Variants in ARMH3 observed in about 807,000 individuals in gnomAD.
ARMH3 encodes armadillo-like helical domain-containing protein 3.
A neutral mutation model predicts 99.1 loss-of-function variants in ARMH3; 60 were observed. The ratio of observed to expected loss-of-function variants is 0.61; its 90% confidence interval spans 0.49 to 0.75. The LOEUF (loss-of-function observed/expected upper bound fraction) is 0.75. Ranked by LOEUF, ARMH3 falls within the 30% of genes least tolerant of loss-of-function variation. The probability of loss-of-function intolerance (pLI) is 0.00; values close to 1 mark genes in which losing one functional copy is unlikely to be tolerated. For synonymous variants in ARMH3, 285 were observed against 292.8 expected (o/e 0.97, Z 0.27); for missense variants, 679 against 843.1 (o/e 0.81, Z 2.41).
At chr10:101,976,337 CAAA>C (rs1360407394) in intron 19 of ARMH3, among the ~76,000 whole-genome samples, 3 of 118,948 alleles carry the variant, frequency 2.5e-5, no homozygotes. Context: ...AAGACTGTCT[CAAA>C]AAAAAAAAAA....
chr10:102,052,731 T>C (rs1254328556), intron 1 of ARMH3, among the ~76,000 whole-genome samples: 1 of 152,152 alleles, frequency 6.6e-6, no homozygotes, highest in Non-Finnish European at 1.5e-5. Context: ...GCTACTTCCT[T>C]ATAGACAAAT....
chr10:102,019,871 T>C (rs1159678593), intron 8 of ARMH3, among the ~76,000 whole-genome samples: 2 of 145,326 alleles, frequency 1.4e-5, no homozygotes, highest in South Asian at 2.1e-4. Context: ...GAGCTTGCAG[T>C]GAGCCAAGAT....
intron 4 of ARMH3, among the ~76,000 whole-genome samples, 167 bp from the exon 5 acceptor site, chr10:102,029,912 G>T (rs1483273331): frequency 3.4e-5 from 5 of 148,408 alleles, no homozygotes; most frequent in African/African-American, 9.8e-5. Context: ...GTTTGGTTCG[G>T]TTTTTTTGTT....
At chr10:102,015,633 G>A (rs1244063030) in intron 8 of ARMH3, among the ~76,000 whole-genome samples, 4 of 152,102 alleles carry the variant, frequency 2.6e-5, no homozygotes, top group South Asian at 2.1e-4. Context: ...CAGGTGGTCC[G>A]CCTGTCTCGG....
chr10:101,876,144 G>A (rs1215176833), intron 24 of ARMH3, among the ~76,000 whole-genome samples: 1 of 149,840 alleles, frequency 6.7e-6, no homozygotes, highest in Non-Finnish European at 1.5e-5. Flanking sequence ...AGCTACTCAG[G>A]AGGCTGAGGC....
intron 23 of ARMH3, among the ~76,000 whole-genome samples, chr10:101,930,812 T>C (rs1277967262): frequency 2.0e-5 from 3 of 152,190 alleles, no homozygotes. Context: ...ACTTGCACAA[T>C]CAGGACAACA....
chr10:102,013,810 T>C (rs1220018593), intron 9 of ARMH3, among the ~76,000 whole-genome samples, 158 bp downstream of exon 9: 4 of 152,202 alleles, frequency 2.6e-5, no homozygotes, highest in Admixed American at 1.3e-4. Context: ...AGTAAAACGG[T>C]AGCACTGACG....
At chr10:101,904,449 A>T (rs1449378603) in intron 23 of ARMH3, among the ~76,000 whole-genome samples, 3 of 152,150 alleles carry the variant, frequency 2.0e-5, no homozygotes, top group African/African-American at 7.2e-5. Context: ...AATTCAGTGA[A>T]TCTGCAAAGA....
Position 101,864,020 on chromosome 10 carries a change from C to G in ARMH3, c.1861-14128G>C, listed in dbSNP as rs571098736. Reference sequence around the variant, plus strand: ...AGGCTGCAGTGAGACAAGATAGTGCCACTACACTCCAGCCTGGGCAACAGA... The same window carrying G: ...AGGCTGCAGTGAGACAAGATAGTGCGACTACACTCCAGCCTGGGCAACAGA... On this transcript the variant is annotated intron_variant, in intron 24 of 25. Coordinates refer to ENST00000370033, the MANE Select transcript of ARMH3 (RefSeq NM_024541.3). Among the ~76,000 whole-genome samples, 26 of 144,928 alleles carry G rather than the reference C, an allele frequency of 1.8e-4. No homozygotes were observed. The South Asian group carries it at 5.8e-3, about 32-fold the overall frequency.
intron 24 of ARMH3, among the ~76,000 whole-genome samples, chr10:101,881,221 C>T (rs1055470795): frequency 6.6e-6 from 1 of 152,190 alleles, no homozygotes; most frequent in African/African-American, 2.4e-5. Flanking sequence ...AATCTGGTTA[C>T]ACCATCCTAT....
intron 19 of ARMH3, among the ~76,000 whole-genome samples, chr10:101,976,168 CAAAAA>C (rs780547260): frequency 4.3e-5 from 1 of 23,188 alleles, no homozygotes; most frequent in East Asian, 1.8e-3. Context: ...GACTCTGTCT[CAAAAA>C]AAAAAAAAAA....
At chr10:101,853,082 G>T (rs1195404666) in intron 24 of ARMH3, among the ~76,000 whole-genome samples, 1 of 148,658 alleles carries the variant, frequency 6.7e-6, no homozygotes, top group Non-Finnish European at 1.5e-5. Flanking sequence ...GTAGAGACGG[G>T]GTTTCATGAT....
chr10:101,946,071 CAAAA>C (rs569179050), intron 22 of ARMH3, among the ~76,000 whole-genome samples: 14 of 34,458 alleles, frequency 4.1e-4, no homozygotes, highest in African/African-American at 3.1e-3. Flanking sequence ...GACTCTGCCT[CAAAA>C]AAAAAAAAAA....
At chr10:101,958,404 GAGAC>G (rs1241212271) in intron 20 of ARMH3, among the ~76,000 whole-genome samples, 1 of 152,226 alleles carries the variant, frequency 6.6e-6, no homozygotes, top group Non-Finnish European at 1.5e-5. Flanking sequence ...CCTCAATAAA[GAGAC>G]TGACTGCCAA....
chr10:101,924,252 G>T (rs917630767), intron 23 of ARMH3, among the ~76,000 whole-genome samples: 1 of 152,056 alleles, frequency 6.6e-6, no homozygotes. Context: ...AGAAAAAAGC[G>T]AACTGTAGAT....
At chr10:101,924,987 C>T (rs1392439866) in intron 23 of ARMH3, among the ~76,000 whole-genome samples, 3 of 151,924 alleles carry the variant, frequency 2.0e-5, no homozygotes, top group Admixed American at 2.0e-4. Context: ...AGAGAGACTC[C>T]GTCTCAAAAA....
intron 24 of ARMH3, among the ~76,000 whole-genome samples, chr10:101,857,315 G>C (rs536260140): frequency 1.9e-4 from 29 of 152,090 alleles, no homozygotes; most frequent in Non-Finnish European, 4.1e-4. Context: ...AAAATTTGCC[G>C]GGAGTGGTGG....
chr10:101,956,840 G>C, intron 21 of ARMH3, 117 bp from the exon 22 acceptor site: 1 of 1,081,254 alleles, frequency 9.2e-7, no homozygotes, highest in East Asian at 3.0e-5. Flanking sequence ...AAATTTTCAG[G>C]AATTTTGTAA....
intron 8 of ARMH3, among the ~76,000 whole-genome samples, chr10:102,014,848 G>T (rs1200236186): frequency 6.6e-6 from 1 of 152,088 alleles, no homozygotes; most frequent in Non-Finnish European, 1.5e-5. Flanking sequence ...TACACCTATG[G>T]GATGTGAGGA....
Sources: allele counts gnomAD v4.1 joint callset (sites outside exome capture counted in the v4.1 genomes callset), GRCh38; gene constraint gnomAD v4.1.1; transcripts MANE v1.5; gene names NCBI Gene and HGNC (gene_info 2026-07-23, HGNC 2026-07-21).